Variants in GRID2IP observed in about 807,000 individuals in gnomAD.
The protein encoded by GRID2IP is Grid2 interacting protein, also known as delphilin.
Under a neutral mutation model 114.3 loss-of-function variants are expected in GRID2IP, and 78 were observed. That is an observed-to-expected ratio of 0.68 (90% CI 0.57 to 0.82). GRID2IP has a LOEUF of 0.82. GRID2IP is among the 40% of genes least tolerant of loss of function. The pLI is 0.00. For missense variants in GRID2IP, 1,727 were observed against 1,678.5 expected, an observed-to-expected ratio of 1.03 and a Z score of -0.51; for synonymous variants, 809 against 724.0, an observed-to-expected ratio of 1.12 and a Z score of -1.89.
At chr7:6,539,969 C>T (rs902246402) in intron 1 of GRID2IP, 97 bp from the exon 2 acceptor site, 17 of 1,166,984 alleles carry the variant, frequency 1.5e-5, no homozygotes, top group South Asian at 1.1e-4. Context: ...TTTACCTACA[C>T]GGGATGGCTG....
intron 4 of GRID2IP, among the ~76,000 whole-genome samples, chr7:6,524,286 A>C (rs1244344962): frequency 6.6e-6 from 1 of 152,216 alleles, no homozygotes; most frequent in Non-Finnish European, 1.5e-5. Flanking sequence ...ATGTGATGAC[A>C]CACAGAGTGT....
chr7:6,529,301 C>T (rs1442460297), intron 2 of GRID2IP, among the ~76,000 whole-genome samples: 1 of 152,070 alleles, frequency 6.6e-6, no homozygotes, highest in Non-Finnish European at 1.5e-5. Context: ...AAATACAAAA[C>T]TTAGCCGGGC....
rs143645181 is a variant in GRID2IP, at chr7:6,502,227, C to T, written c.3151-109G>A. 4.0e-4 allele frequency: 445 copies of T among 1,103,652 alleles called. 8 individuals are homozygous for T. Among genetic ancestry groups the T allele is most frequent in the African/African-American group, 2.9e-3 (180 of 62,736 alleles). 68.4% of individuals were successfully genotyped at this position (1,103,652 alleles called of 1,614,324 possible). A position where few individuals can be genotyped will look rare whatever the true frequency, so the allele number is the denominator to read the frequency against. ...GGCATCAATGATGAATTCTTGGCGCCCCCACTTTTTTTTTAATAGCAGGGT... is the reference window on the plus strand; with the variant it reads ...GGCATCAATGATGAATTCTTGGCGCTCCCACTTTTTTTTTAATAGCAGGGT... On this transcript the variant is annotated intron_variant, in intron 18 of 21. Coordinates refer to ENST00000457091, the MANE Select transcript of GRID2IP (RefSeq NM_001145118.2).
At chr7:6,498,435 C>T (rs1280159627) in intron 20 of GRID2IP, among the ~76,000 whole-genome samples, 1 of 152,158 alleles carries the variant, frequency 6.6e-6, no homozygotes, top group African/African-American at 2.4e-5. Context: ...CTGGCCACAG[C>T]CAGTGCAGCC....
At position 6,508,809 on chromosome 7, in the gene GRID2IP, G is replaced by C; in HGVS notation, c.2127+149C>G. 1.6e-6 allele frequency: 2 copies of C among 1,267,220 alleles called. No homozygotes were observed. The highest frequency in any genetic ancestry group is 2.8e-5 in the Admixed American group (1 of 36,266). The allele number at this position is 1,267,220 out of a possible 1,614,324, so 78.5% of individuals were successfully genotyped here. A position where few individuals can be genotyped will look rare whatever the true frequency, so the allele number is the denominator to read the frequency against. On this transcript the variant is annotated intron_variant, in intron 12 of 21. Coordinates refer to ENST00000457091, the MANE Select transcript of GRID2IP (RefSeq NM_001145118.2). The surrounding 1 kb of genome is among the most constrained non-coding windows in gnomAD (Gnocchi z 5.6). Reference sequence around the variant, plus strand: ...AGGAGATAGGGTAACCTGGGGCAAGGGGTGGGATAGCTTGAGCTAGGGAGT... The same window carrying C: ...AGGAGATAGGGTAACCTGGGGCAAGCGGTGGGATAGCTTGAGCTAGGGAGT...
intron 4 of GRID2IP, among the ~76,000 whole-genome samples, 152 bp from the exon 5 acceptor site, chr7:6,522,109 G>T (rs761928722): frequency 6.6e-5 from 10 of 152,154 alleles, no homozygotes; most frequent in Non-Finnish European, 1.2e-4. Context: ...CAGCACTTTG[G>T]GAGGCCAAGG....
intron 2 of GRID2IP, among the ~76,000 whole-genome samples, chr7:6,530,712 G>A (rs908212022): frequency 2.0e-5 from 3 of 152,194 alleles, no homozygotes; most frequent in African/African-American, 4.8e-5. Flanking sequence ...AGATGCCCCC[G>A]ATTTTCACAA....
chr7:6,504,657 GGGCCTTCACCGCGCTGAGCGACAGGA>G, intron 15 of GRID2IP, 110 bp downstream of exon 15: 2 of 678,240 alleles, frequency 2.9e-6, no homozygotes, highest in Non-Finnish European at 5.1e-6. Context: ...GCCTGGGAGG[GGGCCTTCACCGCGCTGAGCGACAGGA>G]GGCCGGGTCC....
In GRID2IP at chr7:6,543,788, T is replaced by TTTA. The variant is rs1196796413; in HGVS notation, c.430-3919_430-3917dup. ...CTGTGCTTGGCTAATTTAATTTAAT[T>TTTA]TTATTATTATTATTATTATTTGAGA... On this transcript the variant is annotated intron_variant, in intron 1 of 21. Coordinates refer to ENST00000457091, the MANE Select transcript of GRID2IP (RefSeq NM_001145118.2). Among the ~76,000 whole-genome samples the TTTA allele has an allele frequency of 3.3e-3, 501 of 151,056 alleles. 4 individuals carry two copies. Among genetic ancestry groups the TTTA allele is most frequent in the African/African-American group, 0.011 (438 of 41,134 alleles).
intron 1 of GRID2IP, among the ~76,000 whole-genome samples, chr7:6,549,699 C>A (rs1779940412): frequency 6.6e-6 from 1 of 152,126 alleles, no homozygotes; most frequent in African/African-American, 2.4e-5. Flanking sequence ...CAGCTCACTG[C>A]AACCTCCGTC....
intron 4 of GRID2IP, among the ~76,000 whole-genome samples, chr7:6,525,567 G>C (rs1027089396): frequency 1.3e-5 from 2 of 152,174 alleles, no homozygotes; most frequent in Non-Finnish European, 2.9e-5. Context: ...CTCGGAGATG[G>C]AGGTTGCAAT....
intron 1 of GRID2IP, among the ~76,000 whole-genome samples, chr7:6,546,501 G>A (rs1190485243): frequency 4.6e-5 from 7 of 150,910 alleles, no homozygotes; most frequent in African/African-American, 1.2e-4. Flanking sequence ...CCCAGGAGGC[G>A]GAGGTTGCAG....
At chr7:6,499,266 G>A (rs1786346183) in intron 20 of GRID2IP, among the ~76,000 whole-genome samples, 1 of 151,754 alleles carries the variant, frequency 6.6e-6, no homozygotes, top group African/African-American at 2.4e-5. Flanking sequence ...GACCACTGTG[G>A]TAGAGGTTCT....
intron 18 of GRID2IP, 58 bp from the exon 19 acceptor site, chr7:6,502,176 G>A: frequency 6.7e-7 from 1 of 1,483,518 alleles, no homozygotes; most frequent in Non-Finnish European, 9.1e-7. Context: ...GGGGTCACAT[G>A]GGCCCAGCTT....
At chr7:6,511,876 C>T (rs567351177) in intron 8 of GRID2IP, among the ~76,000 whole-genome samples, 29 of 151,896 alleles carry the variant, frequency 1.9e-4, no homozygotes, top group Non-Finnish European at 4.1e-4. Context: ...CACTTTCTCT[C>T]TTTCTCTCTT....
chr7:6,534,574 G>A lies in GRID2IP; in HGVS notation c.584+5144C>T, dbSNP rs574409653. On this transcript the variant is annotated intron_variant, in intron 2 of 21. Coordinates refer to ENST00000457091, the MANE Select transcript of GRID2IP (RefSeq NM_001145118.2). This position sits in a 1 kb window ranked among gnomAD's most constrained non-coding sequence, Gnocchi z 4.5. ...GCTGTCCAAGGGAACGTTCTGTGACGATGGACAAGGTCTACATCCGCCTGG... is the reference window on the plus strand; with the variant it reads ...GCTGTCCAAGGGAACGTTCTGTGACAATGGACAAGGTCTACATCCGCCTGG... Among the ~76,000 whole-genome samples, 61 of 152,318 alleles carry A rather than the reference G, an allele frequency of 4.0e-4. No homozygotes were observed. Among genetic ancestry groups the A allele is most frequent in the African/African-American group, 1.4e-3 (59 of 41,566 alleles).
Position 6,544,291 on chromosome 7 carries a change from T to TC in GRID2IP, c.430-4420_430-4419insG, listed in dbSNP as rs1480192901. Among the ~76,000 whole-genome samples the TC allele has an allele frequency of 2.6e-5, 4 of 151,842 alleles. No individual in the cohort carries two copies. The East Asian group carries it at 7.8e-4, about 29-fold the overall frequency. On this transcript the variant is annotated intron_variant, in intron 1 of 21. Coordinates refer to ENST00000457091, the MANE Select transcript of GRID2IP (RefSeq NM_001145118.2). ...TTTCTTTTTCTTTTTTCTTTCTGTT[T>TC]TTTTTGAGATGGAGTGTCACTCTTA...
In GRID2IP at chr7:6,526,659, C is replaced by T; in HGVS notation, c.695G>A (p.Arg232Gln). 6.9e-7 allele frequency: 1 copy of T among 1,447,328 alleles called. No homozygotes were observed. Among genetic ancestry groups the T allele is most frequent in the East Asian group, 3.1e-5 (1 of 32,680 alleles). 89.7% of individuals were successfully genotyped at this position (1,447,328 alleles called of 1,614,324 possible). A position where few individuals can be genotyped will look rare whatever the true frequency, so the allele number is the denominator to read the frequency against. The change falls in exon 3 of 22, where the codon CGG becomes CAG. Residue 232 changes from arginine (R) to glutamine (Q), a missense_variant. Coordinates refer to ENST00000457091, the MANE Select transcript of GRID2IP (RefSeq NM_001145118.2). This position sits in a 1 kb window ranked among gnomAD's most constrained non-coding sequence, Gnocchi z 7.6. ...CTCCGGCCGCTCCTCGCTGCGGCTC[C>T]GGCGCAGTCGCTGCGCGCCCTGGGC... ...RRAQGAQRLR[R>Q]SRSEERPERL...
chr7:6,537,398 G>A (rs1425368349), intron 2 of GRID2IP, among the ~76,000 whole-genome samples: 1 of 65,120 alleles, frequency 1.5e-5, no homozygotes, highest in African/African-American at 5.4e-5. Flanking sequence ...TTTTTTTTGA[G>A]ACAGAGTCTT....
Sources: gnomAD v4.1 joint callset for allele counts (sites outside exome capture counted in the v4.1 genomes callset) on GRCh38, gnomAD v4.1.1 for gene constraint, Gnocchi (gnomAD v3.1) non-coding constraint, MANE v1.5 for transcripts, NCBI Gene and HGNC (gene_info 2026-07-23, HGNC 2026-07-21) for gene names.